Variants in LINS1 observed in about 807,000 individuals in gnomAD.
The protein encoded by LINS1 is protein Lines homolog 1.
A neutral mutation model predicts 41.6 loss-of-function variants in LINS1; 27 were observed. That is an observed-to-expected ratio of 0.65 (90% CI 0.48 to 0.89). LINS1 has a LOEUF of 0.89. LINS1 is among the 40% of genes least tolerant of loss of function. The probability of loss-of-function intolerance (pLI) is 0.00; values close to 1 mark genes in which losing one functional copy is unlikely to be tolerated. For missense variants in LINS1, 955 were observed against 884.1 expected, an observed-to-expected ratio of 1.08 and a Z score of -1.02; for synonymous variants, 336 against 312.9, an observed-to-expected ratio of 1.07 and a Z score of -0.78.
chr15:100,583,025 T>A (rs1270990487), intron 1 of LINS1, among the ~76,000 whole-genome samples: 1 of 151,706 alleles, frequency 6.6e-6, no homozygotes, highest in Non-Finnish European at 1.5e-5. Flanking sequence ...GGGTCTTCTG[T>A]CTACACTACG....
rs2038024024 is a variant in LINS1 at position 100,574,243 on chromosome 15, T to C, written c.632-2A>G. On this transcript the variant is annotated splice_acceptor_variant, in intron 4 of 6. Coordinates refer to ENST00000314742, the MANE Select transcript of LINS1 (RefSeq NM_001040616.3). LOFTEE classifies it high-confidence loss of function. ...GAGTCAGGAACTGCTTTAGAATTTC[T>C]GCAATTATAAAAATAGGAATTATAA... The C allele has an allele frequency of 6.4e-7, 1 of 1,551,786 alleles. No homozygotes were observed. Among genetic ancestry groups the C allele is most frequent in the African/African-American group, 1.4e-5 (1 of 73,928 alleles).
rs556350827 is a variant in LINS1 at position 100,599,547 on chromosome 15, T to C, written c.-104+2574A>G. Among the ~76,000 whole-genome samples the C allele has an allele frequency of 2.0e-5, 3 of 152,350 alleles. No individual in the cohort carries two copies. The East Asian group carries it at 5.8e-4, about 29-fold the overall frequency. ...TCTAGGCTCTTCACCAACAAGTTCT[T>C]AGGCCCCCATCTCTCTACTTAACTA... On this transcript the variant is annotated intron_variant, in intron 1 of 6. Coordinates refer to ENST00000314742, the MANE Select transcript of LINS1 (RefSeq NM_001040616.3).
In LINS1 at chr15:100,569,101, C is replaced by T. The variant is rs963503343; in HGVS notation, c.*137G>A. The T allele has an allele frequency of 4.3e-5, 25 of 575,218 alleles. No individual in the cohort carries two copies. Among genetic ancestry groups the T allele is most frequent in the East Asian group, 1.8e-4 (6 of 32,602 alleles). The allele number at this position is 575,218 out of a possible 1,614,324, so 35.6% of individuals were successfully genotyped here. A position where few individuals can be genotyped will look rare whatever the true frequency, so the allele number is the denominator to read the frequency against. ...TCACGCCACTGCACTCCGGCCTGAG[C>T]GACAGAATGAGATTCTGTCTCAAAA... On this transcript the variant is annotated 3_prime_UTR_variant, in exon 7 of 7. Transcript: ENST00000314742.
At chr15:100,573,495 C>CTTTTT in intron 5 of LINS1, 156 bp downstream of exon 5, 1 of 612,736 alleles carries the variant, frequency 1.6e-6, no homozygotes, top group Non-Finnish European at 2.5e-6. Flanking sequence ...AAATCCAGTT[C>CTTTTT]TTTTTTTTTT....
intron 3 of LINS1, among the ~76,000 whole-genome samples, chr15:100,579,440 G>C (rs2038396398): frequency 6.9e-6 from 1 of 144,488 alleles, no homozygotes; most frequent in Non-Finnish European, 1.5e-5. Context: ...AACTTCCACA[G>C]TAATGCTGAA....
rs868392648 is a variant in LINS1 at position 100,567,577 on chromosome 15, G to A, written c.*1661C>T. 3 of 152,062 alleles carry A rather than the reference G, an allele frequency of 2.0e-5. No homozygotes were observed. Among genetic ancestry groups the A allele is most frequent in the Non-Finnish European group, 2.9e-5 (2 of 68,012 alleles). The allele number at this position is 152,062 out of a possible 1,614,324, so 9.4% of individuals were successfully genotyped here. ...CTGGAGATGTTTCACATCCACAAAC[G>A]TGCATAGAACGCATCTACCATTCCA... On this transcript the variant is annotated 3_prime_UTR_variant, in exon 7 of 7. Transcript: ENST00000314742.
At position 100,574,970 on chromosome 15, in the gene LINS1, G is replaced by A; in HGVS notation, c.631+17C>T. 1 of 1,610,314 alleles carries A rather than the reference G, an allele frequency of 6.2e-7. No individual in the cohort carries two copies. Among genetic ancestry groups the A allele is most frequent in the South Asian group, 1.1e-5 (1 of 90,920 alleles). On this transcript the variant is annotated intron_variant, in intron 4 of 6. Transcript: ENST00000314742. ...GGAGCAAGATGATGATTGTTTATGG[G>A]GCCATGTAATCCATACCTGTTTTCT...
Position 100,569,419 on chromosome 15 carries a change from G to A in LINS1, c.2093C>T (p.Ala698Val). The A allele has an allele frequency of 1.2e-6, 2 of 1,614,098 alleles. No individual in the cohort carries two copies. The highest frequency in any genetic ancestry group is 2.2e-5 in the East Asian group (1 of 44,880). The change falls in exon 7 of 7, where the codon GCC becomes GTC. Residue 698 changes from alanine (A) to valine (V), a missense_variant. By Grantham distance (64) the Ala-to-Val change is moderately conservative (BLOSUM62 0). Transcript: ENST00000314742. The part of the protein sequence containing the change: ...DTAFSFDCEV[A>V]PNDVVSEVGI... Reference sequence around the variant, plus strand: ...CACTTCAGAGACGACATCATTTGGGGCTACTTCACAATCAAAGGAGAAGGC... The same window carrying A: ...CACTTCAGAGACGACATCATTTGGGACTACTTCACAATCAAAGGAGAAGGC...
At chr15:100,595,354 A>G in intron 1 of LINS1, among the ~76,000 whole-genome samples, 1 of 152,234 alleles carries the variant, frequency 6.6e-6, no homozygotes, top group East Asian at 1.9e-4. Flanking sequence ...AAAAAATTCA[A>G]TTACAAAATG....
chr15:100,572,751 C>T (rs533328928), intron 5 of LINS1: 1 of 982,962 alleles, frequency 1.0e-6, no homozygotes, highest in African/African-American at 1.7e-5. Flanking sequence ...TCATTTTTCT[C>T]AAGTAAAATG....
Position 100,568,776 on chromosome 15 carries a change from A to G in LINS1, c.*462T>C, listed in dbSNP as rs1420354140. ...GCTATAATGAGTGACTTGTCACTTG[A>G]TGTCTCTTTTTCAGTCACTAGGTTG... On this transcript the variant is annotated 3_prime_UTR_variant, in exon 7 of 7. Coordinates refer to ENST00000314742, the MANE Select transcript of LINS1 (RefSeq NM_001040616.3). 5.9e-6 allele frequency: 1 copy of G among 168,234 alleles called. No homozygotes were observed. Among genetic ancestry groups the G allele is most frequent in the Admixed American group, 5.6e-5 (1 of 17,922 alleles). 10.4% of individuals were successfully genotyped at this position (168,234 alleles called of 1,614,324 possible). A position where few individuals can be genotyped will look rare whatever the true frequency, so the allele number is the denominator to read the frequency against.
At position 100,569,594 on chromosome 15, in the gene LINS1, T is replaced by C; in HGVS notation, c.1918A>G (p.Thr640Ala). ...DSSDDSDVES[T>A]EQCLANSKQT... is the part of the protein sequence containing the mutation. ...TTACTGTTAGCTAAACACTGCTCTG[T>C]GGATTCCACGTCAGAATCGTCAGAG... Residue 640 changes from threonine to alanine, a missense_variant, in exon 7 of 7, where the codon ACA (threonine) becomes GCA (alanine). Thr to Ala is a moderately conservative substitution (Grantham distance 58). Transcript: ENST00000314742. 1 of 1,613,736 alleles carries C rather than the reference T, an allele frequency of 6.2e-7. No individual in the cohort carries two copies. Among genetic ancestry groups the C allele is most frequent in the Non-Finnish European group, 8.5e-7 (1 of 1,179,656 alleles).
intron 1 of LINS1, among the ~76,000 whole-genome samples, chr15:100,587,296 G>C (rs2038852101): frequency 6.6e-6 from 1 of 151,810 alleles, no homozygotes; most frequent in South Asian, 2.1e-4. Context: ...TGTTTTGCAT[G>C]GATAGTGCCG....
At position 100,572,840 on chromosome 15, in the gene LINS1, T is replaced by A. The variant is rs373025464; in HGVS notation, c.1223-775A>T. 7 of 829,378 alleles carry A rather than the reference T, an allele frequency of 8.4e-6. No individual in the cohort carries two copies. The East Asian group carries it at 4.7e-4, about 56-fold the overall frequency. The allele number at this position is 829,378 out of a possible 1,614,324, so 51.4% of individuals were successfully genotyped here. A position where few individuals can be genotyped will look rare whatever the true frequency, so the allele number is the denominator to read the frequency against. ...CTTTGTCAATATAACTTCTCATATA[T>A]TAGCTTTAATTCAATATCTAATTTT... On this transcript the variant is annotated intron_variant, in intron 5 of 6. Transcript: ENST00000314742.
At chr15:100,590,309 C>T (rs1443327773) in intron 1 of LINS1, among the ~76,000 whole-genome samples, 2 of 152,172 alleles carry the variant, frequency 1.3e-5, no homozygotes, top group Admixed American at 6.5e-5. Flanking sequence ...CAGCCAGCCT[C>T]GTATATGAAT....
At chr15:100,582,874 A>G (rs1231432929) in intron 1 of LINS1, among the ~76,000 whole-genome samples, 4 of 135,548 alleles carry the variant, frequency 3.0e-5, no homozygotes, top group East Asian at 2.5e-4. Flanking sequence ...TGGGTCTTCC[A>G]TCTACACTAC....
intron 1 of LINS1, among the ~76,000 whole-genome samples, chr15:100,585,313 C>T (rs4965321): frequency 0.52 from 78,730 of 152,062 alleles, 20,836 homozygotes; most frequent in Admixed American, 0.65. Context: ...TTCTTAGAAC[C>T]TTCTCTCGCA....
intron 1 of LINS1, among the ~76,000 whole-genome samples, chr15:100,592,711 A>G (rs1048535438): frequency 6.6e-6 from 1 of 152,226 alleles, no homozygotes; most frequent in South Asian, 2.1e-4. Context: ...TTCTAGTCCC[A>G]TAGGAAGTAA....
At position 100,580,577 on chromosome 15, in the gene LINS1, A is replaced by G; in HGVS notation, c.266T>C (p.Met89Thr). The change falls in exon 2 of 7, where the codon ATG becomes ACG. Residue 89 changes from methionine to threonine, a missense_variant. Transcript: ENST00000314742. ...NSQMSGSREV[M>T]LLQLTVIKVM... ...TTTGATCACTGTTAACTGAAGGAGCATTACTTCTCTGGAACCGCTCATCTG... is the reference window on the plus strand; with the variant it reads ...TTTGATCACTGTTAACTGAAGGAGCGTTACTTCTCTGGAACCGCTCATCTG... The G allele has an allele frequency of 6.2e-7, 1 of 1,614,060 alleles. No individual in the cohort carries two copies. Among genetic ancestry groups the G allele is most frequent in the South Asian group, 1.1e-5 (1 of 91,082 alleles).
Sources: gnomAD v4.1 joint callset for allele counts (sites outside exome capture counted in the v4.1 genomes callset) on GRCh38, gnomAD v4.1.1 for gene constraint, MANE v1.5 for transcripts, NCBI Gene and HGNC (gene_info 2026-07-23, HGNC 2026-07-21) for gene names.